ZNF76: variants seen among roughly 807,000 people sequenced by gnomAD.
The protein encoded by ZNF76 is zinc finger protein 523.
Under a neutral mutation model 66.9 loss-of-function variants are expected in ZNF76, and 66 were observed. That is an observed-to-expected ratio of 0.99 (90% CI 0.81 to 1.21). The LOEUF (loss-of-function observed/expected upper bound fraction) is 1.21, where lower values mean the gene tolerates loss of function less well. ZNF76 is among the 50% of genes most tolerant of loss of function. The pLI is 0.00. For missense variants in ZNF76, 729 were observed against 760.3 expected, an observed-to-expected ratio of 0.96 and a Z score of 0.48; for synonymous variants, 275 against 296.1, an observed-to-expected ratio of 0.93 and a Z score of 0.73.
At chr6:35,289,370 T>G (rs1790054154) in intron 5 of ZNF76, among the ~76,000 whole-genome samples, 1 of 152,182 alleles carries the variant, frequency 6.6e-6, no homozygotes, top group Non-Finnish European at 1.5e-5. Context: ...CGTGAAGCTC[T>G]CAGCTGCTTG....
At chr6:35,273,289 C>T (rs1015135232) in intron 1 of ZNF76, among the ~76,000 whole-genome samples, 1 of 151,306 alleles carries the variant, frequency 6.6e-6, no homozygotes, top group Non-Finnish European at 1.5e-5. Flanking sequence ...TATCTTGCCT[C>T]AGCCTCCTGA....
intron 1 of ZNF76, among the ~76,000 whole-genome samples, chr6:35,274,496 A>G (rs993880498): frequency 1.3e-5 from 2 of 152,216 alleles, no homozygotes; most frequent in Non-Finnish European, 2.9e-5. Context: ...TATCTTTCAC[A>G]TCCCTTATTT....
chr6:35,290,966 C>G, intron 7 of ZNF76: 1 of 596,976 alleles, frequency 1.7e-6, no homozygotes, highest in Non-Finnish European at 3.0e-6. Context: ...CTGATGCCAA[C>G]CAGCTGTGGA....
intron 6 of ZNF76, 67 bp from the exon 7 acceptor site, chr6:35,290,573 TA>T: frequency 6.3e-7 from 1 of 1,587,646 alleles, no homozygotes; most frequent in Non-Finnish European, 8.6e-7. Flanking sequence ...ATCAGGGTCC[TA>T]AAGAAAACCA....
chr6:35,280,455 G>A (rs1173225455), intron 1 of ZNF76, among the ~76,000 whole-genome samples: 1 of 151,608 alleles, frequency 6.6e-6, no homozygotes, highest in Non-Finnish European at 1.5e-5. Context: ...AGAGGTGAAA[G>A]GTGAGACATG....
At chr6:35,270,709 C>T (rs1786912567) in intron 1 of ZNF76, among the ~76,000 whole-genome samples, 1 of 151,906 alleles carries the variant, frequency 6.6e-6, no homozygotes, top group African/African-American at 2.4e-5. Flanking sequence ...AGGTGTGTGC[C>T]ACCATGCCCA....
At chr6:35,265,763 G>A (rs1323473361) in intron 1 of ZNF76, among the ~76,000 whole-genome samples, 1 of 152,058 alleles carries the variant, frequency 6.6e-6, no homozygotes, top group Non-Finnish European at 1.5e-5. Flanking sequence ...CAATACGGCT[G>A]CAGTATATTA....
chr6:35,283,515 A>G (rs1019923871), intron 2 of ZNF76, among the ~76,000 whole-genome samples: 1 of 152,238 alleles, frequency 6.6e-6, no homozygotes, highest in African/African-American at 2.4e-5. Context: ...TAAATGCACT[A>G]GGACTGTTCC....
intron 2 of ZNF76, among the ~76,000 whole-genome samples, chr6:35,283,235 T>TG (rs1789040764): frequency 6.6e-6 from 1 of 152,234 alleles, no homozygotes; most frequent in South Asian, 2.1e-4. Context: ...TCTGTAGTGT[T>TG]GCAGTGTGCA....
At chr6:35,285,624 G>A (rs761232913) in intron 2 of ZNF76, among the ~76,000 whole-genome samples, 1 of 152,212 alleles carries the variant, frequency 6.6e-6, no homozygotes, top group African/African-American at 2.4e-5. Context: ...TGGAGGCCTG[G>A]CCTGGTTCCA....
In ZNF76 at chr6:35,293,762, C is replaced by T. The variant is rs1451515737; in HGVS notation, c.1341C>T (p.Ser447=). Reference sequence around the variant, plus strand: ...CCTCCTGTTGGCAGGTCAGCCTGTCCCCGGAAGACCTGCAGGCCCTGGGGA... The same window carrying T: ...CCTCCTGTTGGCAGGTCAGCCTGTCTCCGGAAGACCTGCAGGCCCTGGGGA... ...TQDGAQQVSL[S]PEDLQALGSA... is the part of the protein sequence containing the mutation. Residue 447 remains serine (S), a synonymous_variant, in exon 12 of 14, where the codon TCC becomes TCT. Transcript: ENST00000373953. 8.7e-6 allele frequency: 14 copies of T among 1,613,826 alleles called. No individual in the cohort carries two copies. The highest frequency in any genetic ancestry group is 1.2e-5 in the Non-Finnish European group (14 of 1,179,964).
rs1789574153 is a variant in ZNF76, at chr6:35,286,415, T to C, written c.232+16T>C. 1.9e-6 allele frequency: 3 copies of C among 1,612,830 alleles called. No individual in the cohort carries two copies. The African/African-American group carries it at 4.0e-5, about 22-fold the overall frequency. ...ACACCCAGAGGTAGGGTCACCATCA[T>C]CACAACTCGGGGAAGGATGGGAGGC... On this transcript the variant is annotated intron_variant, in intron 4 of 13. Transcript: ENST00000373953.
In ZNF76 at chr6:35,287,748, C is replaced by A. The variant is rs746381181; in HGVS notation, c.335C>A (p.Ala112Asp). ...GTGCCATCGGAGAGCACCATCCTGGCCGTACAGACAGAGGTGGGCTTGGAG... is the reference window on the plus strand; with the variant it reads ...GTGCCATCGGAGAGCACCATCCTGGACGTACAGACAGAGGTGGGCTTGGAG... ...VAVPSESTIL[A>D]VQTEVGLEDL... is the part of the protein sequence containing the mutation. The change falls in exon 5 of 14, where the codon GCC becomes GAC. Residue 112 changes from alanine (A) to aspartate (D), a missense_variant. By Grantham distance (126) the Ala-to-Asp change is moderately radical. Transcript: ENST00000373953. The surrounding 1 kb of genome is among the most constrained non-coding windows in gnomAD (Gnocchi z 4.0). The A allele has an allele frequency of 6.2e-7, 1 of 1,614,234 alleles. No homozygotes were observed. The highest frequency in any genetic ancestry group is 8.5e-7 in the Non-Finnish European group (1 of 1,180,048).
chr6:35,292,626 A>C lies in ZNF76; in HGVS notation c.1004A>C (p.His335Pro), dbSNP rs1304036579. Reference protein sequence around the residue: ...RFTEYSSLYKHHVVHTHCKPY... With the variant: ...RFTEYSSLYKPHVVHTHCKPY... ...ACCGAGTACTCGAGCTTGTATAAGC[A>C]CCACGTGGTGCACACACACTGCAAG... Residue 335 changes from histidine to proline, a missense_variant, in exon 10 of 14, where the codon CAC becomes CCC. Coordinates refer to ENST00000373953, the MANE Select transcript of ZNF76 (RefSeq NM_003427.5). The surrounding 1 kb of genome is among the most constrained non-coding windows in gnomAD (Gnocchi z 4.7). The C allele has an allele frequency of 6.2e-7, 1 of 1,613,962 alleles. No individual in the cohort carries two copies. The highest frequency in any genetic ancestry group is 1.3e-5 in the African/African-American group (1 of 75,002).
chr6:35,287,897 C>T lies in ZNF76; in HGVS notation c.432+52C>T, dbSNP rs1789809218. 2 of 1,536,700 alleles carry T rather than the reference C, an allele frequency of 1.3e-6. No homozygotes were observed. Among genetic ancestry groups the T allele is most frequent in the Admixed American group, 3.9e-5 (2 of 51,054 alleles). ...TGTCACTCTAGACAACCGGGCCTGG[C>T]CTGCGCACTGCCTCTTGGCCCTGCC... On this transcript the variant is annotated intron_variant, in intron 5 of 13. Transcript: ENST00000373953. This position sits in a 1 kb window ranked among gnomAD's most constrained non-coding sequence, Gnocchi z 4.0.
rs1790457139 is a variant in ZNF76, at chr6:35,291,952, G to C, written c.931+215G>C. 4 of 618,098 alleles carry C rather than the reference G, an allele frequency of 6.5e-6. No homozygotes were observed. The South Asian group carries it at 7.7e-5, about 12-fold the overall frequency. 38.3% of individuals were successfully genotyped at this position (618,098 alleles called of 1,614,324 possible). On this transcript the variant is annotated intron_variant, in intron 9 of 13. Transcript: ENST00000373953. Reference sequence around the variant, plus strand: ...AGGTCCAATCTGAAAGGTATTGCCAGTCCTCTCTGGGGTCCCTCAGCTCCC... The same window carrying C: ...AGGTCCAATCTGAAAGGTATTGCCACTCCTCTCTGGGGTCCCTCAGCTCCC...
chr6:35,293,615 G>A (rs1790754316), intron 11 of ZNF76, 136 bp from the exon 12 acceptor site: 6 of 1,060,658 alleles, frequency 5.7e-6, no homozygotes, highest in Non-Finnish European at 8.2e-6. Flanking sequence ...TTGTTTGCCT[G>A]TCACCCATCC....
intron 7 of ZNF76, chr6:35,291,055 A>C: frequency 1.6e-6 from 1 of 616,738 alleles, no homozygotes; most frequent in Non-Finnish European, 2.8e-6. Flanking sequence ...GAGTTCTCTA[A>C]GTTTCTTTTC....
At chr6:35,282,460 A>C (rs913486730) in intron 2 of ZNF76, among the ~76,000 whole-genome samples, 2 of 152,194 alleles carry the variant, frequency 1.3e-5, no homozygotes, top group Non-Finnish European at 2.9e-5. Flanking sequence ...GAAGGTACTT[A>C]AAATCAAGGT....
Sources: allele counts gnomAD v4.1 joint callset (sites outside exome capture counted in the v4.1 genomes callset), GRCh38; gene constraint gnomAD v4.1.1; non-coding constraint Gnocchi (gnomAD v3.1); transcripts MANE v1.5; gene names NCBI Gene and HGNC (gene_info 2026-07-23, HGNC 2026-07-21).